Variants in TMPRSS11E observed in about 807,000 individuals in gnomAD.
TMPRSS11E encodes the protein transmembrane serine protease 11E.
A neutral mutation model predicts 48.1 loss-of-function variants in TMPRSS11E; 38 were observed. The ratio of observed to expected loss-of-function variants is 0.79; its 90% CI spans 0.61 to 1.04. The LOEUF is 1.04. Among genes scored for constraint, TMPRSS11E ranks in the 50% least tolerant of loss-of-function variants. The pLI is 0.00. For missense variants in TMPRSS11E, 530 were observed against 510.8 expected, an observed-to-expected ratio of 1.04 and a Z score of -0.36; for synonymous variants, 158 against 171.9, an observed-to-expected ratio of 0.92 and a Z score of 0.63.
intron 9 of TMPRSS11E, among the ~76,000 whole-genome samples, chr4:68,479,570 TA>T (rs1729349328): frequency 6.7e-6 from 1 of 149,924 alleles, no homozygotes; most frequent in South Asian, 2.1e-4. Flanking sequence ...GAGTATAGAA[TA>T]AAAAACTTAC....
chr4:68,495,405 A>G (rs905475087), intron 9 of TMPRSS11E, among the ~76,000 whole-genome samples: 14 of 151,952 alleles, frequency 9.2e-5, no homozygotes, highest in Non-Finnish European at 1.8e-4. Context: ...GCCTGCATAT[A>G]GACTTGGGAT....
chr4:68,474,660 A>G (rs1489056066), intron 5 of TMPRSS11E, 63 bp from the exon 6 acceptor site: 9 of 1,474,054 alleles, frequency 6.1e-6, no homozygotes, highest in African/African-American at 2.8e-5. Context: ...AGTATTTGAA[A>G]TACTCGGAGG....
At chr4:68,469,212 T>G (rs1728999920) in intron 4 of TMPRSS11E, among the ~76,000 whole-genome samples, 1 of 152,056 alleles carries the variant, frequency 6.6e-6, no homozygotes, top group Non-Finnish European at 1.5e-5. Context: ...GTACAGATAG[T>G]ACTAAATACA....
In TMPRSS11E at chr4:68,474,705, C is replaced by A. The variant is rs761183329; in HGVS notation, c.491-18C>A. ...ACTCTGATGTGCTGACCCTATTTGCCATTTCTGTGTGTTTCAGAAATCAAC... is the reference window on the plus strand; with the variant it reads ...ACTCTGATGTGCTGACCCTATTTGCAATTTCTGTGTGTTTCAGAAATCAAC... On this transcript the variant is annotated intron_variant, in intron 5 of 9. Coordinates refer to ENST00000305363, the MANE Select transcript of TMPRSS11E (RefSeq NM_014058.4). The A allele has an allele frequency of 1.2e-6, 2 of 1,606,008 alleles. No individual in the cohort carries two copies. The highest frequency in any genetic ancestry group is 1.7e-6 in the Non-Finnish European group (2 of 1,177,006).
rs1048695605 is a variant in TMPRSS11E at position 68,497,126 on chromosome 4, A to T, written c.*322A>T. On this transcript the variant is annotated 3_prime_UTR_variant, in exon 10 of 10. Transcript: ENST00000305363. ...TCAGAATTTTGACTTGTTGACATAA[A>T]TTTGTAATGCATATATACAATTTGA... 2 of 202,618 alleles carry T rather than the reference A, an allele frequency of 9.9e-6. No individual in the cohort carries two copies. The highest frequency in any genetic ancestry group is 2.0e-5 in the Non-Finnish European group (2 of 102,106). The allele number at this position is 202,618 out of a possible 1,614,324, so 12.6% of individuals were successfully genotyped here.
intron 9 of TMPRSS11E, among the ~76,000 whole-genome samples, 198 bp from the exon 10 acceptor site, chr4:68,496,445 A>G (rs1190529345): frequency 1.3e-5 from 2 of 152,082 alleles, no homozygotes; most frequent in Non-Finnish European, 2.9e-5. Context: ...CAAGGTTTCA[A>G]TCTCATCAGT....
rs142020946 is a variant in TMPRSS11E, at chr4:68,492,291, C to T, written c.1111-4352C>T. On this transcript the variant is annotated intron_variant, in intron 9 of 9. Coordinates refer to ENST00000305363, the MANE Select transcript of TMPRSS11E (RefSeq NM_014058.4). Reference sequence around the variant, plus strand: ...TACTCACTAAAATTTATTTGTAACCCCCAAATCAATACTCAAGGCACTTTT... The same window carrying T: ...TACTCACTAAAATTTATTTGTAACCTCCAAATCAATACTCAAGGCACTTTT... Among the ~76,000 whole-genome samples, 590 of 152,208 alleles carry T rather than the reference C, an allele frequency of 3.9e-3. 5 individuals are homozygous for T. Among genetic ancestry groups the T allele is most frequent in the African/African-American group, 0.014 (573 of 41,532 alleles).
At chr4:68,491,418 G>C (rs1729719800) in intron 9 of TMPRSS11E, among the ~76,000 whole-genome samples, 1 of 149,510 alleles carries the variant, frequency 6.7e-6, no homozygotes, top group African/African-American at 2.5e-5. Context: ...TTTTATGTTT[G>C]TTTTATTTGT....
chr4:68,494,867 T>C (rs1381230456), intron 9 of TMPRSS11E, among the ~76,000 whole-genome samples: 1 of 152,208 alleles, frequency 6.6e-6, no homozygotes, highest in Non-Finnish European at 1.5e-5. Context: ...AGTGTAGTCC[T>C]GAGCAGAAGA....
intron 9 of TMPRSS11E, among the ~76,000 whole-genome samples, chr4:68,489,264 A>G (rs973565723): frequency 6.6e-6 from 1 of 152,196 alleles, no homozygotes; most frequent in African/African-American, 2.4e-5. Flanking sequence ...ATGCTGTACC[A>G]GGCTGTAACC....
intron 1 of TMPRSS11E, among the ~76,000 whole-genome samples, chr4:68,451,513 A>G (rs893182288): frequency 6.6e-6 from 1 of 151,860 alleles, no homozygotes; most frequent in African/African-American, 2.4e-5. Context: ...GGGGGATCCA[A>G]AGTACTATAC....
chr4:68,458,484 C>A (rs1728695035), intron 1 of TMPRSS11E, among the ~76,000 whole-genome samples: 1 of 152,118 alleles, frequency 6.6e-6, no homozygotes, highest in Non-Finnish European at 1.5e-5. Context: ...ATCAGTCTAT[C>A]TGAAGGTGAT....
At chr4:68,471,688 T>C in intron 5 of TMPRSS11E, 65 bp downstream of exon 5, 2 of 1,339,018 alleles carry the variant, frequency 1.5e-6, no homozygotes, top group Non-Finnish European at 2.0e-6. Flanking sequence ...TCTTGGCACT[T>C]ATTAAAAAAT....
rs371144994 is a variant in TMPRSS11E at position 68,482,590 on chromosome 4, C to CAAAAAAA, written c.1110+3625_1110+3631dup. Among the ~76,000 whole-genome samples, 293 of 106,022 alleles carry CAAAAAAA rather than the reference C, an allele frequency of 2.8e-3. 15 individuals carry two copies. Among genetic ancestry groups the CAAAAAAA allele is most frequent in the South Asian group, 4.9e-3 (13 of 2,646 alleles). 69.6% of individuals were successfully genotyped at this position (106,022 alleles called of 152,430 possible). On this transcript the variant is annotated intron_variant, in intron 9 of 9. Coordinates refer to ENST00000305363, the MANE Select transcript of TMPRSS11E (RefSeq NM_014058.4). ...GTAATGTGGCAAAACTGCATCTCCA[C>CAAAAAAA]AAAAAAAAAAAAAAAAAAAAAAAAA...
At chr4:68,496,539 C>T in intron 9 of TMPRSS11E, 104 bp from the exon 10 acceptor site, 1 of 1,185,436 alleles carries the variant, frequency 8.4e-7, no homozygotes, top group East Asian at 2.4e-5. Context: ...ACACGGAATA[C>T]TTTTGAAAAT....
intron 1 of TMPRSS11E, among the ~76,000 whole-genome samples, chr4:68,451,912 T>C (rs550833364): frequency 6.6e-6 from 1 of 152,048 alleles, no homozygotes; most frequent in South Asian, 2.1e-4. Context: ...ACCCTCACAA[T>C]GTCTCCTTTG....
chr4:68,455,644 GT>G (rs1435306202), intron 1 of TMPRSS11E, among the ~76,000 whole-genome samples: 1 of 151,960 alleles, frequency 6.6e-6, no homozygotes, highest in Middle Eastern at 3.2e-3. Flanking sequence ...CCACAAGAGT[GT>G]CTCTAGCTCA....
At chr4:68,464,558 C>T (rs193185398) in intron 2 of TMPRSS11E, among the ~76,000 whole-genome samples, 52 of 152,292 alleles carry the variant, frequency 3.4e-4, no homozygotes, top group African/African-American at 1.2e-3. Context: ...AGTAACTACT[C>T]ATACCATATA....
At chr4:68,490,729 C>T (rs1729691853) in intron 9 of TMPRSS11E, among the ~76,000 whole-genome samples, 1 of 140,522 alleles carries the variant, frequency 7.1e-6, no homozygotes, top group Non-Finnish European at 1.5e-5. Flanking sequence ...GGTGGTAGTT[C>T]ATGCTTCCCA....
Sources: gnomAD v4.1 joint callset for allele counts (sites outside exome capture counted in the v4.1 genomes callset) on GRCh38, gnomAD v4.1.1 for gene constraint, MANE v1.5 for transcripts, NCBI Gene and HGNC (gene_info 2026-07-23, HGNC 2026-07-21) for gene names.